The following GPR176 variants were observed in gnomAD, a reference collection of about 807,000 sequenced individuals.
GPR176 encodes G-protein coupled receptor 176.
In GPR176, 26 loss-of-function variants were observed where a neutral mutation model predicts 35.4. The observed-to-expected ratio is 0.74, with a 90% confidence interval of 0.54 to 1.02. The LOEUF is 1.02. Among genes scored for constraint, GPR176 ranks in the 50% least tolerant of loss-of-function variants. GPR176 has a pLI of 0.00. For missense variants in GPR176, 597 were observed against 665.3 expected (o/e 0.90, Z 1.13); for synonymous variants, 278 against 271.3 (o/e 1.02, Z -0.24).
intron 1 of GPR176, among the ~76,000 whole-genome samples, chr15:39,905,712 G>T (rs1371345829): frequency 6.6e-6 from 1 of 151,794 alleles, no homozygotes; most frequent in Non-Finnish European, 1.5e-5. Context: ...ATCCCAAAAG[G>T]TTACATACCA....
chr15:39,850,838 G>A (rs2030813042), intron 1 of GPR176, among the ~76,000 whole-genome samples: 1 of 151,948 alleles, frequency 6.6e-6, no homozygotes, highest in Non-Finnish European at 1.5e-5. Flanking sequence ...TCAGCTGTGG[G>A]GAGAATGAAT....
intron 1 of GPR176, chr15:39,813,450 G>T (rs1452434608): frequency 6.6e-6 from 1 of 152,166 alleles, no homozygotes; most frequent in Non-Finnish European, 1.5e-5. Flanking sequence ...AGTTGAGAGG[G>T]TTTCTTCACC....
intron 1 of GPR176, among the ~76,000 whole-genome samples, chr15:39,868,048 T>G (rs960662185): frequency 6.6e-6 from 1 of 151,914 alleles, no homozygotes; most frequent in East Asian, 1.9e-4. Context: ...ATAAATGACA[T>G]CTTACTAGAT....
Position 39,800,376 on chromosome 15 carries a change from G to A in GPR176, c.*756C>T, listed in dbSNP as rs1898777219. 1 of 152,236 alleles carries A rather than the reference G, an allele frequency of 6.6e-6. No individual in the cohort carries two copies. Among genetic ancestry groups the A allele is most frequent in the African/African-American group, 2.4e-5 (1 of 41,456 alleles). 9.4% of individuals were successfully genotyped at this position (152,236 alleles called of 1,614,324 possible). On this transcript the variant is annotated 3_prime_UTR_variant, in exon 3 of 3. Transcript: ENST00000561100. ...AATTTAAGGTGAAAGACAGAGCGAA[G>A]ACTTTTCAGTGTTTTCCAGCCAACA...
intron 1 of GPR176, among the ~76,000 whole-genome samples, chr15:39,880,387 T>G (rs2032427474): frequency 6.6e-6 from 1 of 152,226 alleles, no homozygotes; most frequent in Non-Finnish European, 1.5e-5. Flanking sequence ...TACTGTCTGC[T>G]GTCTCCTATA....
chr15:39,918,654 C>A (rs902902161), intron 1 of GPR176, among the ~76,000 whole-genome samples: 1 of 151,328 alleles, frequency 6.6e-6, no homozygotes, highest in African/African-American at 2.5e-5. Context: ...GTCATAAAAA[C>A]ACATCTTAAA....
chr15:39,887,747 C>G (rs1007458459), intron 1 of GPR176, among the ~76,000 whole-genome samples: 2 of 152,084 alleles, frequency 1.3e-5, no homozygotes, highest in African/African-American at 4.8e-5. Flanking sequence ...GATTTTCAAG[C>G]GGAAAGATTC....
At chr15:39,879,010 G>A (rs2032369575) in intron 1 of GPR176, among the ~76,000 whole-genome samples, 1 of 152,208 alleles carries the variant, frequency 6.6e-6, no homozygotes, top group African/African-American at 2.4e-5. Flanking sequence ...AGGCCTGAAG[G>A]GTGGTACACC....
chr15:39,873,385 G>A (rs1445039006), intron 1 of GPR176, among the ~76,000 whole-genome samples: 2 of 152,054 alleles, frequency 1.3e-5, no homozygotes, highest in East Asian at 3.9e-4. Flanking sequence ...ACATTTCAGG[G>A]GCAGAATCAA....
At chr15:39,889,368 A>G (rs2032782391) in intron 1 of GPR176, among the ~76,000 whole-genome samples, 1 of 151,856 alleles carries the variant, frequency 6.6e-6, no homozygotes, top group Admixed American at 6.6e-5. Flanking sequence ...ACTAACATGG[A>G]GAAACTTCAT....
At chr15:39,836,262 T>C (rs974266592) in intron 1 of GPR176, among the ~76,000 whole-genome samples, 3 of 152,140 alleles carry the variant, frequency 2.0e-5, no homozygotes, top group African/African-American at 4.8e-5. Flanking sequence ...GTGATTCCCA[T>C]TGTTGGAAGT....
At chr15:39,831,994 GCACACACACACACACACA>G (rs59388406) in intron 1 of GPR176, among the ~76,000 whole-genome samples, 1 of 146,808 alleles carries the variant, frequency 6.8e-6, no homozygotes, top group African/African-American at 2.5e-5. Context: ...ACATGTGCAT[GCACACACACACACACACA>G]CACACACACA....
chr15:39,849,423 C>T (rs2030698198), intron 1 of GPR176, among the ~76,000 whole-genome samples: 1 of 152,112 alleles, frequency 6.6e-6, no homozygotes, highest in African/African-American at 2.4e-5. Flanking sequence ...GAAAGGAACA[C>T]ATCATTTTAT....
intron 1 of GPR176, among the ~76,000 whole-genome samples, chr15:39,871,766 G>A (rs1243239889): frequency 6.6e-6 from 1 of 152,176 alleles, no homozygotes; most frequent in Admixed American, 6.5e-5. Context: ...ATGACTGATG[G>A]AGTGATACCT....
At chr15:39,894,246 TGGCCGGGTTGGGGGCTG>T in intron 1 of GPR176, among the ~76,000 whole-genome samples, 1 of 130,294 alleles carries the variant, frequency 7.7e-6, no homozygotes, top group African/African-American at 2.8e-5. Flanking sequence ...ACGGGGCGGC[TGGCCGGGTTGGGGGCTG>T]ACCCCCCCAC....
At chr15:39,825,026 G>A (rs911850111) in intron 1 of GPR176, among the ~76,000 whole-genome samples, 1 of 152,066 alleles carries the variant, frequency 6.6e-6, no homozygotes, top group Non-Finnish European at 1.5e-5. Context: ...GCAACACAGG[G>A]AGACCCTGTC....
At chr15:39,873,665 A>G (rs2032135778) in intron 1 of GPR176, among the ~76,000 whole-genome samples, 1 of 150,044 alleles carries the variant, frequency 6.7e-6, no homozygotes, top group Non-Finnish European at 1.5e-5. Flanking sequence ...ATATATATTC[A>G]ATAGAAGGTG....
intron 1 of GPR176, among the ~76,000 whole-genome samples, chr15:39,853,518 C>A (rs1189511679): frequency 1.3e-5 from 2 of 152,122 alleles, no homozygotes; most frequent in Admixed American, 6.5e-5. Context: ...CACTACTGAG[C>A]TATACACTTG....
intron 1 of GPR176, among the ~76,000 whole-genome samples, chr15:39,876,725 C>G (rs570344338): frequency 6.6e-6 from 1 of 151,958 alleles, no homozygotes; most frequent in Admixed American, 6.5e-5. Context: ...GTCCCAGCCA[C>G]TTGGGAGGTG....
Sources: allele counts gnomAD v4.1 joint callset (sites outside exome capture counted in the v4.1 genomes callset), GRCh38; gene constraint gnomAD v4.1.1; transcripts MANE v1.5; gene names NCBI Gene and HGNC (gene_info 2026-07-23, HGNC 2026-07-21).